Variants in TEKT3 observed in about 807,000 individuals in gnomAD.
TEKT3 encodes the protein tektin 3.
In TEKT3, 49 loss-of-function variants were observed where a neutral mutation model predicts 49.8. That is an observed-to-expected ratio of 0.98 (90% CI 0.78 to 1.25). The LOEUF (loss-of-function observed/expected upper bound fraction) is 1.25, where lower values mean the gene tolerates loss of function less well. Ranked by LOEUF, TEKT3 falls within the 50% of genes most tolerant of loss-of-function variation. The pLI is 0.00. For missense variants in TEKT3, 595 were observed against 629.5 expected, an observed-to-expected ratio of 0.95 and a Z score of 0.59; for synonymous variants, 225 against 237.2, an observed-to-expected ratio of 0.95 and a Z score of 0.47.
At chr17:15,306,212 G>T (rs1910547627) in intron 8 of TEKT3, among the ~76,000 whole-genome samples, 1 of 151,586 alleles carries the variant, frequency 6.6e-6, no homozygotes, top group African/African-American at 2.4e-5. Context: ...AGAATGTTTA[G>T]AATCACTTTT....
intron 5 of TEKT3, among the ~76,000 whole-genome samples, chr17:15,318,574 G>T (rs1911119262): frequency 6.6e-6 from 1 of 152,016 alleles, no homozygotes; most frequent in Non-Finnish European, 1.5e-5. Flanking sequence ...TGTCTCTGTT[G>T]CCCAGGCTGG....
Position 15,331,620 on chromosome 17 carries a change from A to G in TEKT3, c.-29-6T>C, listed in dbSNP as rs1240460182. On this transcript the variant is annotated splice_polypyrimidine_tract_variant and splice_region_variant and intron_variant, in intron 2 of 8. Coordinates refer to ENST00000395930, the MANE Select transcript of TEKT3 (RefSeq NM_031898.3). The stretch of plus-strand genomic sequence containing the variant: ...ACACTATTTGTAAATCTCTCCTGTT[A>G]AAAAATAAAAAGTAAAATAAGACAG... 17 of 1,552,946 alleles carry G rather than the reference A, an allele frequency of 1.1e-5. No individual in the cohort carries two copies. Among genetic ancestry groups the G allele is most frequent in the Non-Finnish European group, 1.4e-5 (16 of 1,148,050 alleles).
In TEKT3 at chr17:15,308,694, A is replaced by C; in HGVS notation, c.1226T>G (p.Ile409Ser). The change falls in exon 8 of 9, where the codon ATT becomes AGT. Residue 409 changes from isoleucine to serine, a missense_variant. Physicochemically the swap from Ile to Ser is moderately radical, Grantham distance 142 (BLOSUM62 -2). Coordinates refer to ENST00000395930, the MANE Select transcript of TEKT3 (RefSeq NM_031898.3). ...CTGAGCCATGTCTCGGCACAACTCA[A>C]TGTTCGGCCGTCTTGTGCGCTCATC... ...RLDERTRRPN[I>S]ELCRDMAQLR... is the part of the protein sequence containing the mutation. 6.2e-7 allele frequency: 1 copy of C among 1,612,482 alleles called. No individual in the cohort carries two copies. Among genetic ancestry groups the C allele is most frequent in the Non-Finnish European group, 8.5e-7 (1 of 1,179,412 alleles).
chr17:15,334,439 G>A (rs1318563346), intron 2 of TEKT3, among the ~76,000 whole-genome samples: 5 of 152,180 alleles, frequency 3.3e-5, no homozygotes, highest in African/African-American at 9.7e-5. Flanking sequence ...AGAATGCCAC[G>A]TGAGTTTTCC....
rs1006114505 is a variant in TEKT3, at chr17:15,304,831, G to A, written c.1257-679C>T. Among the ~76,000 whole-genome samples, 1 of 152,028 alleles carries A rather than the reference G, an allele frequency of 6.6e-6. No homozygotes were observed. Among genetic ancestry groups the A allele is most frequent in the Non-Finnish European group, 1.5e-5 (1 of 68,008 alleles). ...ATGCTCCTAACCCATTCTTCATCCC[G>A]CTAATTTATCCCATCCTCAAATCCT... is the stretch of plus-strand genomic sequence containing the variant. On this transcript the variant is annotated intron_variant, in intron 8 of 8. Transcript: ENST00000395930. The surrounding 1 kb of genome is among the most constrained non-coding windows in gnomAD (Gnocchi z 4.7).
chr17:15,329,156 T>G (rs1178123768), intron 3 of TEKT3, among the ~76,000 whole-genome samples: 2 of 152,232 alleles, frequency 1.3e-5, no homozygotes, highest in Non-Finnish European at 2.9e-5. Context: ...TTTTCATTAT[T>G]GCAAATTTGA....
At chr17:15,342,041 G>C (rs971484573), upstream of TEKT3, among the ~76,000 whole-genome samples, 2 of 152,186 alleles carry the variant, frequency 1.3e-5, no homozygotes, top group Non-Finnish European at 2.9e-5. Flanking sequence ...AGCTTCTCCT[G>C]TGACAGAATT....
chr17:15,323,342 C>T (rs1911345130), intron 4 of TEKT3, among the ~76,000 whole-genome samples: 2 of 152,164 alleles, frequency 1.3e-5, no homozygotes, highest in African/African-American at 2.4e-5. Context: ...GCCCAGAGCC[C>T]CAGCCTGAGT....
chr17:15,324,589 A>C lies in TEKT3; in HGVS notation c.663+3403T>G, dbSNP rs576677612. Among the ~76,000 whole-genome samples, 13 of 152,092 alleles carry C rather than the reference A, an allele frequency of 8.5e-5. No individual in the cohort carries two copies. In the South Asian group the frequency reaches 2.3e-3, roughly 27 times the overall value. On this transcript the variant is annotated intron_variant, in intron 4 of 8. Transcript: ENST00000395930. ...TTCTAATTCCTCCACATTCCAGCCA[A>C]CTTGTTATTTTCTATATTTTTTATT...
intron 7 of TEKT3, among the ~76,000 whole-genome samples, chr17:15,309,407 C>T (rs1910676540): frequency 6.6e-6 from 1 of 152,072 alleles, no homozygotes; most frequent in Admixed American, 6.5e-5. Flanking sequence ...ATTTTGTATT[C>T]GTTTTTTCTT....
At position 15,308,742 on chromosome 17, in the gene TEKT3, A is replaced by G. The variant is rs1419076497; in HGVS notation, c.1178T>C (p.Leu393Pro). ...ATCCAGTCTGGTCTGAGCCACCTTC[A>G]GGAAGGCAGTCTTGTCCTTGATGGC... ...KKAIKDKTAF[L>P]KVAQTRLDER... Residue 393 changes from leucine to proline, a missense_variant, in exon 8 of 9, where the codon CTG becomes CCG. By Grantham distance (98) the Leu-to-Pro change is moderately conservative (BLOSUM62 -3). Transcript: ENST00000395930. The G allele has an allele frequency of 1.2e-6, 2 of 1,613,920 alleles. No homozygotes were observed. Among genetic ancestry groups the G allele is most frequent in the African/African-American group, 1.3e-5 (1 of 74,906 alleles).
intron 4 of TEKT3, among the ~76,000 whole-genome samples, chr17:15,324,987 T>C (rs1911429564): frequency 6.6e-6 from 1 of 152,254 alleles, no homozygotes; most frequent in Non-Finnish European, 1.5e-5. Context: ...CTTTCGCATG[T>C]GGATATCCAA....
rs772882973 is a variant in TEKT3 at position 15,331,106 on chromosome 17, G to A, written c.480C>T (p.Ile160=). The A allele has an allele frequency of 5.0e-6, 8 of 1,614,076 alleles. No homozygotes were observed. Among genetic ancestry groups the A allele is most frequent in the Non-Finnish European group, 6.8e-6 (8 of 1,180,038 alleles). Residue 160 remains isoleucine, a synonymous_variant, in exon 3 of 9, where the codon ATC becomes ATT. Transcript: ENST00000395930. ...CAATCATTTCATCCAACTCATGAAT[G>A]ATTTCAGATTTCCAAAACCCTATGT... ...VNDIGFWKSE[I]IHELDEMIGE... is the part of the protein sequence containing the mutation.
chr17:15,321,989 G>A (rs1261515971), intron 4 of TEKT3, among the ~76,000 whole-genome samples: 3 of 152,060 alleles, frequency 2.0e-5, no homozygotes, highest in African/African-American at 7.2e-5. Context: ...ATCCCTTCTT[G>A]TGCACACTCC....
intron 3 of TEKT3, 62 bp from the exon 4 acceptor site, chr17:15,328,137 T>A: frequency 1.4e-6 from 2 of 1,453,456 alleles, no homozygotes; most frequent in Non-Finnish European, 1.9e-6. Flanking sequence ...CTAGCAGCTC[T>A]AATAATTTGT....
intron 7 of TEKT3, among the ~76,000 whole-genome samples, chr17:15,311,700 G>T (rs1910778376): frequency 6.6e-6 from 1 of 152,096 alleles, no homozygotes; most frequent in South Asian, 2.1e-4. Flanking sequence ...GAAACAATAA[G>T]AGCTCCAAGA....
intron 7 of TEKT3, among the ~76,000 whole-genome samples, chr17:15,310,077 C>T (rs1468541864): frequency 1.3e-5 from 2 of 152,240 alleles, no homozygotes; most frequent in Non-Finnish European, 2.9e-5. Flanking sequence ...AATCATTTCA[C>T]TGTTTCTATC....
chr17:15,337,433 A>C (rs1478337548), intron 2 of TEKT3, among the ~76,000 whole-genome samples: 2 of 152,252 alleles, frequency 1.3e-5, no homozygotes, highest in African/African-American at 2.4e-5. Flanking sequence ...TATGCTGATA[A>C]TTAAACAATC....
intron 3 of TEKT3, 123 bp from the exon 4 acceptor site, chr17:15,328,198 T>C: frequency 1.3e-6 from 1 of 765,084 alleles, no homozygotes; most frequent in Non-Finnish European, 2.2e-6. Context: ...CCAGCCCTTT[T>C]GTGAAAATCT....
Sources: gnomAD v4.1 joint callset for allele counts (sites outside exome capture counted in the v4.1 genomes callset) on GRCh38, gnomAD v4.1.1 for gene constraint, Gnocchi (gnomAD v3.1) non-coding constraint, MANE v1.5 for transcripts, NCBI Gene and HGNC (gene_info 2026-07-23, HGNC 2026-07-21) for gene names.